Variants in CFDP1 observed in about 807,000 individuals in gnomAD.
The protein encoded by CFDP1 is heterochromatin-stabilizing protein CFDP1.
CFDP1 carries 31 observed loss-of-function variants against 40.1 expected under a neutral mutation model. The observed-to-expected ratio is 0.77, with a 90% CI of 0.58 to 1.04. The LOEUF (loss-of-function observed/expected upper bound fraction) is 1.04, where lower values mean the gene tolerates loss of function less well. Among genes scored for constraint, CFDP1 ranks in the 50% least tolerant of loss-of-function variants. CFDP1 has a pLI of 0.00. For synonymous variants in CFDP1, 167 were observed against 120.0 expected, an observed-to-expected ratio of 1.39 and a Z score of -2.56; for missense variants, 423 against 343.4, an observed-to-expected ratio of 1.23 and a Z score of -1.83.
intron 5 of CFDP1, among the ~76,000 whole-genome samples, chr16:75,346,888 A>C (rs76763824): frequency 0.022 from 3,351 of 152,148 alleles, 70 homozygotes; most frequent in African/African-American, 0.053. Context: ...TCCTGAAAAA[A>C]AATTCTGCTT....
chr16:75,390,159 G>A (rs547325094), intron 5 of CFDP1, among the ~76,000 whole-genome samples: 1 of 152,100 alleles, frequency 6.6e-6, no homozygotes, highest in Non-Finnish European at 1.5e-5. Flanking sequence ...TATTTCACTT[G>A]TATAGCTCCC....
intron 4 of CFDP1, among the ~76,000 whole-genome samples, chr16:75,395,579 A>T (rs901809731): frequency 1.3e-5 from 2 of 152,128 alleles, no homozygotes; most frequent in African/African-American, 2.4e-5. Context: ...GAATCACTTG[A>T]ACCCGGGAGG....
intron 5 of CFDP1, among the ~76,000 whole-genome samples, chr16:75,330,186 A>T (rs1237971367): frequency 6.6e-6 from 1 of 152,226 alleles, no homozygotes; most frequent in African/African-American, 2.4e-5. Flanking sequence ...CTACTTCAGT[A>T]ATTATCCACA....
At chr16:75,313,575 C>T (rs573131605) in intron 5 of CFDP1, among the ~76,000 whole-genome samples, 2 of 152,334 alleles carry the variant, frequency 1.3e-5, no homozygotes, top group South Asian at 2.1e-4. Flanking sequence ...AAGTGATCTG[C>T]CCGCCTGGGT....
intron 5 of CFDP1, among the ~76,000 whole-genome samples, chr16:75,388,103 C>G (rs2078915299): frequency 6.6e-6 from 1 of 152,180 alleles, no homozygotes; most frequent in East Asian, 1.9e-4. Context: ...TAGATTTGGG[C>G]TGGAATCCGA....
intron 5 of CFDP1, among the ~76,000 whole-genome samples, chr16:75,328,024 C>T (rs2078415944): frequency 6.6e-6 from 1 of 151,280 alleles, no homozygotes; most frequent in Non-Finnish European, 1.5e-5. Flanking sequence ...GCCACAGCAC[C>T]CGGCAACACC....
chr16:75,360,656 A>G (rs2078674588), intron 5 of CFDP1, among the ~76,000 whole-genome samples: 2 of 152,248 alleles, frequency 1.3e-5, no homozygotes, highest in African/African-American at 4.8e-5. Context: ...GAAAATCAAG[A>G]TAACTGGAAA....
At chr16:75,309,603 A>G (rs184941105) in intron 5 of CFDP1, among the ~76,000 whole-genome samples, 3,349 of 152,074 alleles carry the variant, frequency 0.022, 70 homozygotes, top group African/African-American at 0.054. Flanking sequence ...GGCGGATCAC[A>G]AGGTCAGGAG....
chr16:75,388,687 T>C (rs1264951063), intron 5 of CFDP1, among the ~76,000 whole-genome samples: 1 of 152,226 alleles, frequency 6.6e-6, no homozygotes, highest in African/African-American at 2.4e-5. Flanking sequence ...GATCACACCA[T>C]TAACTGCTCA....
intron 1 of CFDP1, among the ~76,000 whole-genome samples, chr16:75,429,011 G>A (rs148583028): frequency 2.0e-4 from 22 of 110,562 alleles, no homozygotes; most frequent in Non-Finnish European, 4.1e-4. Flanking sequence ...CAGCCACTCC[G>A]GAGGCTGAGG....
chr16:75,347,377 G>GA (rs1555556971), intron 5 of CFDP1, among the ~76,000 whole-genome samples: 1 of 124,142 alleles, frequency 8.1e-6, no homozygotes, highest in East Asian at 2.3e-4. Flanking sequence ...AAAAGAAAAA[G>GA]AAAAAGAAAA....
chr16:75,421,383 G>A (rs2079278251), intron 1 of CFDP1, among the ~76,000 whole-genome samples: 3 of 152,182 alleles, frequency 2.0e-5, no homozygotes, highest in Admixed American at 6.6e-5. Context: ...ATCAGTAAGA[G>A]ATAAGAAAAT....
At chr16:75,382,212 T>C (rs545229756) in intron 5 of CFDP1, among the ~76,000 whole-genome samples, 1 of 152,162 alleles carries the variant, frequency 6.6e-6, no homozygotes, top group African/African-American at 2.4e-5. Context: ...ACATACTATA[T>C]TGGGATAGAG....
chr16:75,412,652 C>T lies in CFDP1; in HGVS notation c.285G>A (p.Glu95=). 1.2e-6 allele frequency: 2 copies of T among 1,614,174 alleles called. No homozygotes were observed. The highest frequency in any genetic ancestry group is 1.7e-6 in the Non-Finnish European group (2 of 1,180,030). Residue 95 remains glutamate, a synonymous_variant, in exon 3 of 7, where the codon GAG becomes GAA. Coordinates refer to ENST00000283882, the MANE Select transcript of CFDP1 (RefSeq NM_006324.3). ...SSSEEEDDAA[E]QEKGIGSEDA... ...CCTCTGATCCAATGCCTTTTTCCTG[C>T]TCTGCAGCGTCATCTTCCTCCTCAC...
Position 75,412,770 on chromosome 16 carries a change from C to A in CFDP1, c.183-16G>T. 1 of 1,603,052 alleles carries A rather than the reference C, an allele frequency of 6.2e-7. No homozygotes were observed. Among genetic ancestry groups the A allele is most frequent in the South Asian group, 1.1e-5 (1 of 90,722 alleles). ...TCTTCTCTTCCTAATCACCAGCAGT[C>A]ACAGGAAAAAGGAAAGACAGCACAA... On this transcript the variant is annotated splice_polypyrimidine_tract_variant and intron_variant, in intron 2 of 6. Coordinates refer to ENST00000283882, the MANE Select transcript of CFDP1 (RefSeq NM_006324.3).
At chr16:75,334,195 G>A (rs1035530215) in intron 5 of CFDP1, among the ~76,000 whole-genome samples, 1 of 142,800 alleles carries the variant, frequency 7.0e-6, no homozygotes. Context: ...CCTCCTCCTC[G>A]CAGCACCCTA....
At chr16:75,389,863 C>T (rs920030926) in intron 5 of CFDP1, among the ~76,000 whole-genome samples, 2 of 152,192 alleles carry the variant, frequency 1.3e-5, no homozygotes, top group African/African-American at 4.8e-5. Context: ...TTGGACCCGT[C>T]TTTTCCCAAG....
At chr16:75,391,283 C>G (rs1014687558) in intron 5 of CFDP1, 2 of 152,224 alleles carry the variant, frequency 1.3e-5, no homozygotes, top group Non-Finnish European at 2.9e-5. Flanking sequence ...AGAAGAGCTT[C>G]TTTGCCTTTA....
intron 5 of CFDP1, among the ~76,000 whole-genome samples, chr16:75,358,783 C>CT (rs1472330050): frequency 1.3e-5 from 2 of 152,106 alleles, no homozygotes; most frequent in Non-Finnish European, 2.9e-5. Flanking sequence ...AAATTCTGAG[C>CT]TTTAGAATTT....
Sources: allele counts gnomAD v4.1 joint callset (sites outside exome capture counted in the v4.1 genomes callset), GRCh38; gene constraint gnomAD v4.1.1; transcripts MANE v1.5; gene names NCBI Gene and HGNC (gene_info 2026-07-23, HGNC 2026-07-21).